Variants in CCDC171 observed in about 807,000 individuals in gnomAD.
CCDC171 encodes coiled-coil domain containing 171.
CCDC171 carries 177 observed loss-of-function variants against 168.2 expected under a neutral mutation model. That is an observed-to-expected ratio of 1.05 (90% CI 0.93 to 1.19). The LOEUF is 1.19. Among genes scored for constraint, CCDC171 ranks in the 50% most tolerant of loss-of-function variants. CCDC171 has a pLI of 0.00. For synonymous variants in CCDC171, 687 were observed against 540.8 expected, an observed-to-expected ratio of 1.27 and a Z score of -3.75; for missense variants, 1,991 against 1,539.0, an observed-to-expected ratio of 1.29 and a Z score of -4.91.
chr9:16,096,097 T>C, the CCDC171 span, among the ~76,000 whole-genome samples: 1 of 152,056 alleles, frequency 6.6e-6, no homozygotes, highest in Non-Finnish European at 1.5e-5. Flanking sequence ...GAAACAAAAC[T>C]TTAGCAAATA....
At chr9:15,584,044 T>A (rs1403591528) in intron 4 of CCDC171, among the ~76,000 whole-genome samples, 1 of 152,088 alleles carries the variant, frequency 6.6e-6, no homozygotes, top group Non-Finnish European at 1.5e-5. Context: ...TTTTCTTGTA[T>A]TTTTAGTAGA....
chr9:15,935,174 T>A (rs139238653), intron 25 of CCDC171, among the ~76,000 whole-genome samples: 92 of 152,232 alleles, frequency 6.0e-4, no homozygotes, highest in Middle Eastern at 3.4e-3. Context: ...GTGTGTATTT[T>A]ATCTCATTAA....
chr9:16,100,971 C>T, the CCDC171 span, among the ~76,000 whole-genome samples: 1 of 152,198 alleles, frequency 6.6e-6, no homozygotes, highest in Non-Finnish European at 1.5e-5. Flanking sequence ...CCTCTGTGGC[C>T]TGTTGCTGCA....
chr9:15,624,412 C>T (rs2044855416), intron 7 of CCDC171, among the ~76,000 whole-genome samples: 1 of 152,084 alleles, frequency 6.6e-6, no homozygotes, highest in African/African-American at 2.4e-5. Context: ...GTGCTGCACC[C>T]ATTAACTCAT....
In CCDC171 at chr9:15,605,341, A is replaced by G. The variant is rs561024018; in HGVS notation, c.675+11169A>G. On this transcript the variant is annotated intron_variant, in intron 6 of 25. Coordinates refer to ENST00000380701, the MANE Select transcript of CCDC171 (RefSeq NM_173550.4). ...CTATGTACTGGTATCCTATTAACAA[A>G]TGGCATAGAAAAGGACTCTGACACT... Among the ~76,000 whole-genome samples, 5 of 152,134 alleles carry G rather than the reference A, an allele frequency of 3.3e-5. No individual in the cohort carries two copies. The South Asian group carries it at 1.0e-3, about 32-fold the overall frequency.
chr9:15,566,931 G>A (rs1352106124), intron 2 of CCDC171, among the ~76,000 whole-genome samples: 3 of 151,774 alleles, frequency 2.0e-5, no homozygotes, highest in Non-Finnish European at 4.4e-5. Context: ...ACATTTCCCC[G>A]TTGAATTGCC....
intron 3 of CCDC171, among the ~76,000 whole-genome samples, chr9:16,015,946 T>G (rs950253968): frequency 6.6e-6 from 1 of 152,228 alleles, no homozygotes; most frequent in African/African-American, 2.4e-5. Flanking sequence ...TGTATCCAAA[T>G]TTCATTTATT....
chr9:15,995,196 T>G (rs2132928282), intron 3 of CCDC171, among the ~76,000 whole-genome samples: 1 of 152,342 alleles, frequency 6.6e-6, no homozygotes, highest in African/African-American at 2.4e-5. Context: ...ATGGTTGAAT[T>G]AATGAAGTAA....
At chr9:15,961,339 C>T (rs1830309544) in intron 25 of CCDC171, among the ~76,000 whole-genome samples, 1 of 152,130 alleles carries the variant, frequency 6.6e-6, no homozygotes. Flanking sequence ...AAAACTTTTG[C>T]CTAATAGTTC....
intron 21 of CCDC171, among the ~76,000 whole-genome samples, chr9:15,788,718 TA>T (rs921813713): frequency 4.6e-5 from 7 of 151,968 alleles, no homozygotes; most frequent in African/African-American, 1.4e-4. Flanking sequence ...CCCTGCTAAT[TA>T]AAAAAATTTT....
At chr9:16,004,316 C>T (rs572716331) in intron 3 of CCDC171, among the ~76,000 whole-genome samples, 2 of 152,218 alleles carry the variant, frequency 1.3e-5, no homozygotes, top group Middle Eastern at 3.4e-3. Flanking sequence ...CAGCCAGCAC[C>T]AGAAGTGAAA....
At chr9:15,670,963 A>G (rs990019594) in intron 9 of CCDC171, among the ~76,000 whole-genome samples, 2 of 151,992 alleles carry the variant, frequency 1.3e-5, no homozygotes, top group Non-Finnish European at 2.9e-5. Flanking sequence ...TTGGTGGCGC[A>G]TGTTTGTAGT....
At chr9:15,932,706 GTCT>G (rs1272018031) in intron 25 of CCDC171, among the ~76,000 whole-genome samples, 6 of 151,698 alleles carry the variant, frequency 4.0e-5, no homozygotes, top group Non-Finnish European at 5.9e-5. Context: ...GGGGAAAAAC[GTCT>G]TCTCCCCATG....
chr9:15,692,543 T>C (rs2050880635), intron 10 of CCDC171, among the ~76,000 whole-genome samples: 1 of 151,782 alleles, frequency 6.6e-6, no homozygotes, highest in Non-Finnish European at 1.5e-5. Context: ...TTTTTTTTTT[T>C]TTGAGACAGA....
At chr9:15,709,121 C>T (rs187874932) in intron 11 of CCDC171, among the ~76,000 whole-genome samples, 42 of 152,002 alleles carry the variant, frequency 2.8e-4, no homozygotes, top group Admixed American at 4.6e-4. Flanking sequence ...ATTTGGCATC[C>T]ACAGTAGGCT....
chr9:15,752,782 C>T (rs533908939), intron 18 of CCDC171, among the ~76,000 whole-genome samples: 20 of 152,058 alleles, frequency 1.3e-4, no homozygotes, highest in African/African-American at 4.6e-4. Context: ...GGAGAAATAC[C>T]TAATGTAAAT....
intron 25 of CCDC171, among the ~76,000 whole-genome samples, chr9:15,941,027 C>G (rs7860524): frequency 6.6e-6 from 1 of 151,886 alleles, no homozygotes; most frequent in African/African-American, 2.4e-5. Context: ...AGTGTTTTCT[C>G]ATTCACTTTA....
chr9:15,810,497 TG>T (rs1479073140), intron 21 of CCDC171, among the ~76,000 whole-genome samples: 2 of 21,538 alleles, frequency 9.3e-5, no homozygotes, highest in African/African-American at 4.1e-4. Flanking sequence ...CGCCATGGGG[TG>T]GGGGGGTGGG....
chr9:15,919,868 T>A lies in CCDC171; in HGVS notation c.3601-402T>A, dbSNP rs545333651. ...TGTTTTTTAGGTGGTTTAAAAATTT[T>A]ACTAACTCAGCTTATTTTGAAATAC... On this transcript the variant is annotated intron_variant, in intron 24 of 25. Transcript: ENST00000380701. Among the ~76,000 whole-genome samples, 3 of 151,854 alleles carry A rather than the reference T, an allele frequency of 2.0e-5. No homozygotes were observed. In the South Asian group the frequency reaches 6.2e-4, roughly 31 times the overall value.
Sources: gnomAD v4.1 joint callset for allele counts (sites outside exome capture counted in the v4.1 genomes callset) on GRCh38, gnomAD v4.1.1 for gene constraint, MANE v1.5 for transcripts, NCBI Gene and HGNC (gene_info 2026-07-23, HGNC 2026-07-21) for gene names.